HEPHL1: variants seen among roughly 807,000 people sequenced by gnomAD.
HEPHL1 encodes the protein hephaestin like 1.
HEPHL1 carries 123 observed loss-of-function variants against 122.0 expected under a neutral mutation model. The ratio of observed to expected loss-of-function variants is 1.01; its 90% CI spans 0.87 to 1.17. The LOEUF (loss-of-function observed/expected upper bound fraction) is 1.17, where lower values mean the gene tolerates loss of function less well. Ranked by LOEUF, HEPHL1 falls within the 50% of genes most tolerant of loss-of-function variation. The pLI, the probability that HEPHL1 is intolerant of heterozygous loss-of-function variation, is 0.00. For synonymous variants in HEPHL1, 527 were observed against 508.9 expected (o/e 1.04, Z -0.48); for missense variants, 1,452 against 1,430.5 (o/e 1.01, Z -0.24).
chr11:94,036,999 C>T (rs968830679), intron 1 of HEPHL1, among the ~76,000 whole-genome samples: 1 of 152,154 alleles, frequency 6.6e-6, no homozygotes. Context: ...TGGGCGCAGG[C>T]CAGTGGGTGC....
chr11:94,071,290 T>C (rs1946071694), intron 6 of HEPHL1, among the ~76,000 whole-genome samples: 1 of 151,956 alleles, frequency 6.6e-6, no homozygotes, highest in South Asian at 2.1e-4. Context: ...AAAAATTCTC[T>C]TTGTGATCAA....
intron 4 of HEPHL1, among the ~76,000 whole-genome samples, chr11:94,066,660 GT>G (rs1946037316): frequency 6.6e-6 from 1 of 152,128 alleles, no homozygotes; most frequent in African/African-American, 2.4e-5. Context: ...ATATGTACAA[GT>G]TTTATTGATC....
chr11:94,061,051 T>C (rs1036293170), intron 2 of HEPHL1, among the ~76,000 whole-genome samples: 1 of 152,034 alleles, frequency 6.6e-6, no homozygotes, highest in Non-Finnish European at 1.5e-5. Context: ...ATTTTGGAAA[T>C]GGAAAGAGAG....
chr11:94,110,911 A>G lies in HEPHL1; in HGVS notation c.3054A>G (p.Lys1018=), dbSNP rs1459936049. 8.7e-6 allele frequency: 14 copies of G among 1,611,812 alleles called. No individual in the cohort carries two copies. The highest frequency in any genetic ancestry group is 1.1e-5 in the Non-Finnish European group (13 of 1,178,836). ...HAESFLFKID[K]SYREDVYDLF... is the part of the protein sequence containing the mutation. ...TTAAAACGTTTTTGCAGATAGATAAATCTTACCGAGAAGATGTGTATGATC... is the reference window on the plus strand; with the variant it reads ...TTAAAACGTTTTTGCAGATAGATAAGTCTTACCGAGAAGATGTGTATGATC... Residue 1018 remains lysine, a synonymous_variant, in exon 18 of 20, where the codon AAA becomes AAG. Transcript: ENST00000315765.
intron 1 of HEPHL1, 106 bp downstream of exon 1, chr11:94,021,644 T>A: frequency 1.2e-6 from 1 of 858,826 alleles, no homozygotes; most frequent in Non-Finnish European, 1.8e-6. Context: ...TGAGTTGATC[T>A]AGACCAAGAG....
rs769092842 is a variant in HEPHL1 at position 94,075,393 on chromosome 11, A to AT, written c.1716+10dup. The AT allele has an allele frequency of 6.2e-6, 10 of 1,605,456 alleles. No individual in the cohort carries two copies. In the Admixed American group the frequency reaches 1.7e-4, roughly 27 times the overall value. ...AATGCTGATGGGACACAGGTAGGCC[A>AT]TTGAGTGTCACCAGTTCTTCTCAGG... On this transcript the variant is annotated intron_variant, in intron 9 of 19. Transcript: ENST00000315765.
chr11:94,034,744 C>T (rs1173765877), intron 1 of HEPHL1, among the ~76,000 whole-genome samples: 1 of 152,152 alleles, frequency 6.6e-6, no homozygotes, highest in East Asian at 1.9e-4. Context: ...CACCCTGGGC[C>T]ACTGGGAGTA....
At chr11:94,070,679 G>A in intron 6 of HEPHL1, 137 bp downstream of exon 6, 1 of 710,242 alleles carries the variant, frequency 1.4e-6, no homozygotes, top group Middle Eastern at 4.0e-4. Context: ...AGCTGCTTAA[G>A]GTGTTCTTAA....
chr11:94,067,392 T>G (rs1411974443), intron 4 of HEPHL1, 104 bp from the exon 5 acceptor site: 10 of 1,060,732 alleles, frequency 9.4e-6, no homozygotes, highest in African/African-American at 1.6e-5. Context: ...CAACCAATGG[T>G]CTGCACTGGT....
chr11:94,088,886 G>A lies in HEPHL1; in HGVS notation c.2212G>A (p.Ala738Thr), dbSNP rs764585109. 12 of 1,613,854 alleles carry A rather than the reference G, an allele frequency of 7.4e-6. No individual in the cohort carries two copies. The highest frequency in any genetic ancestry group is 1.6e-4 in the Middle Eastern group (1 of 6,084). The change falls in exon 12 of 20, where the codon GCC (alanine) becomes ACC (threonine). Residue 738 changes from alanine to threonine, a missense_variant. Transcript: ENST00000315765. The part of the protein sequence containing the change: ...RYGMIRTFYI[A>T]AEEVEWDYAP... ...CGGGATGATAAGAACTTTTTACATC[G>A]CCGCTGAAGAAGTAGAATGGGATTA...
intron 2 of HEPHL1, among the ~76,000 whole-genome samples, chr11:94,049,069 C>T (rs761417719): frequency 1.3e-4 from 19 of 151,826 alleles, no homozygotes; most frequent in Non-Finnish European, 2.4e-4. Flanking sequence ...TGCAGTGAGC[C>T]GAGATCATGC....
At chr11:94,078,798 C>T (rs1258849503) in intron 9 of HEPHL1, among the ~76,000 whole-genome samples, 3 of 151,992 alleles carry the variant, frequency 2.0e-5, no homozygotes, top group African/African-American at 4.8e-5. Context: ...ACACTCATGT[C>T]GGGAAGTACA....
At chr11:94,055,400 G>A (rs532506150) in intron 2 of HEPHL1, 11 of 221,988 alleles carry the variant, frequency 5.0e-5, no homozygotes, top group South Asian at 3.2e-4. Flanking sequence ...TAACCTGCCT[G>A]GAGACCAGCT....
At chr11:94,043,821 T>C (rs1271983061) in intron 1 of HEPHL1, among the ~76,000 whole-genome samples, 1 of 152,036 alleles carries the variant, frequency 6.6e-6, no homozygotes, top group Non-Finnish European at 1.5e-5. Context: ...CAGAACATAA[T>C]GTGTGTTCTC....
intron 17 of HEPHL1, among the ~76,000 whole-genome samples, chr11:94,109,345 T>C (rs1485402326): frequency 1.3e-5 from 2 of 152,196 alleles, no homozygotes; most frequent in Admixed American, 6.5e-5. Context: ...ATGTCTTTTA[T>C]TTCTTTTGTC....
chr11:94,045,587 A>G (rs1361940224), intron 1 of HEPHL1, 86 bp from the exon 2 acceptor site: 1 of 1,172,254 alleles, frequency 8.5e-7, no homozygotes, highest in Non-Finnish European at 1.2e-6. Context: ...GAGGTCATAC[A>G]TGCAATACTT....
chr11:94,023,888 A>G (rs2134400322), intron 1 of HEPHL1, among the ~76,000 whole-genome samples: 1 of 152,278 alleles, frequency 6.6e-6, no homozygotes, highest in South Asian at 2.1e-4. Context: ...GGTGGCTCAG[A>G]CAAGTTCCTA....
intron 1 of HEPHL1, among the ~76,000 whole-genome samples, chr11:94,024,664 C>G (rs138612424): frequency 3.7e-4 from 56 of 152,258 alleles, no homozygotes; most frequent in African/African-American, 1.3e-3. Context: ...TTGTACTGAT[C>G]TGTTTCCTTC....
chr11:94,093,973 T>TAGATAGATAG (rs200458161), intron 13 of HEPHL1, among the ~76,000 whole-genome samples: 45 of 47,856 alleles, frequency 9.4e-4, no homozygotes, highest in African/African-American at 2.4e-3. Flanking sequence ...CTCCAGCAGA[T>TAGATAGATAG]ATATATATAT....
Sources: gnomAD v4.1 joint callset for allele counts (sites outside exome capture counted in the v4.1 genomes callset) on GRCh38, gnomAD v4.1.1 for gene constraint, MANE v1.5 for transcripts, NCBI Gene and HGNC (gene_info 2026-07-23, HGNC 2026-07-21) for gene names.